The following SSR2 variants were observed in gnomAD, a reference collection of about 807,000 sequenced individuals.
SSR2 encodes the protein signal sequence receptor subunit 2, also known as translocon-associated protein subunit beta.
SSR2 carries 16 observed loss-of-function variants against 22.6 expected under a neutral mutation model. That is an observed-to-expected ratio of 0.71 (90% CI 0.48 to 1.08). The LOEUF is 1.08. Among genes scored for constraint, SSR2 ranks in the 50% least tolerant of loss-of-function variants. The probability of loss-of-function intolerance (pLI) is 0.00; values close to 1 mark genes in which losing one functional copy is unlikely to be tolerated. For synonymous variants in SSR2, 83 were observed against 91.2 expected (o/e 0.91, Z 0.51); for missense variants, 171 against 221.6 (o/e 0.77, Z 1.45).
At position 156,009,341 on chromosome 1, in the gene SSR2, G is replaced by T. The variant is rs767971367; in HGVS notation, c.*199C>A. 5 of 540,114 alleles carry T rather than the reference G, an allele frequency of 9.3e-6. No individual in the cohort carries two copies. Among genetic ancestry groups the T allele is most frequent in the South Asian group, 5.1e-5 (2 of 39,350 alleles). 33.5% of individuals were successfully genotyped at this position (540,114 alleles called of 1,614,324 possible). ...GCATTCCTGTTTATGGCTTCACGAT[G>T]GAACCAAGGAGGCTCTCGCAGACTC... is the stretch of plus-strand genomic sequence containing the variant. On this transcript the variant is annotated 3_prime_UTR_variant, in exon 6 of 6. Coordinates refer to ENST00000295702, the MANE Select transcript of SSR2 (RefSeq NM_003145.4).
chr1:156,010,203 A>G (rs1682960885), intron 5 of SSR2: 1 of 150,428 alleles, frequency 6.6e-6, no homozygotes, highest in Non-Finnish European at 1.5e-5. Context: ...ACAGGGGCGT[A>G]CCACCACACC....
intron 2 of SSR2, among the ~76,000 whole-genome samples, 158 bp downstream of exon 2, chr1:156,019,855 C>T (rs1223617952): frequency 6.6e-6 from 1 of 152,196 alleles, no homozygotes; most frequent in African/African-American, 2.4e-5. Context: ...GTCCTCCTTT[C>T]CAAAAGTAGA....
At chr1:156,018,060 C>T (rs912313009) in intron 3 of SSR2, 1 of 452,420 alleles carries the variant, frequency 2.2e-6, no homozygotes, top group South Asian at 2.5e-5. Context: ...GTTTCAGGGT[C>T]TTATAATCTG....
chr1:156,016,744 C>A (rs1029525178), intron 3 of SSR2, among the ~76,000 whole-genome samples: 1 of 152,116 alleles, frequency 6.6e-6, no homozygotes, highest in Non-Finnish European at 1.5e-5. Context: ...GAGGAGGGGC[C>A]TGGTGGGAGG....
chr1:156,015,044 CCA>C lies in SSR2; in HGVS notation c.278_279del (p.Val93GlyfsTer47), dbSNP rs867462990. On this transcript the variant is annotated frameshift_variant, in exon 4 of 6. Transcript: ENST00000295702. LOFTEE classifies it high-confidence loss of function. ...TAACCAGCCTTGAGAGGGCGCAGGA[CCA>C]CAGTGTGGGAGACATTGCTAGCACT... is the stretch of plus-strand genomic sequence containing the variant. ...IAPASNVSHT[V>X]VLRPLKAGYF... 3 of 1,613,742 alleles carry C rather than the reference CCA, an allele frequency of 1.9e-6. No homozygotes were observed. The African/African-American group carries it at 4.0e-5, about 22-fold the overall frequency.
At chr1:156,014,242 C>T (rs1683020400) in intron 4 of SSR2, 1 of 152,192 alleles carries the variant, frequency 6.6e-6, no homozygotes, top group Non-Finnish European at 1.5e-5. Flanking sequence ...CCACCTCAGC[C>T]TCCTGAGTAC....
At chr1:156,010,197 G>A (rs1682960553) in intron 5 of SSR2, 1 of 152,098 alleles carries the variant, frequency 6.6e-6, no homozygotes, top group East Asian at 1.9e-4. Context: ...AGGATCACAG[G>A]GGCGTACCAC....
chr1:156,019,448 A>G (rs1399001826), intron 2 of SSR2, among the ~76,000 whole-genome samples: 1 of 152,064 alleles, frequency 6.6e-6, no homozygotes, highest in Admixed American at 6.6e-5. Flanking sequence ...CAGTGGCGCA[A>G]TCTCCGGCTC....
intron 4 of SSR2, chr1:156,014,298 T>C (rs1399453623): frequency 2.6e-5 from 4 of 152,060 alleles, no homozygotes; most frequent in Non-Finnish European, 5.9e-5. Flanking sequence ...TTATTTGAAA[T>C]GGGGGTCTCA....
chr1:156,011,392 A>ATTCACTGAAT (rs1196629579), intron 5 of SSR2: 2 of 157,136 alleles, frequency 1.3e-5, no homozygotes, highest in African/African-American at 4.8e-5. Context: ...CATCATACTT[A>ATTCACTGAAT]TTCACTGAAT....
At chr1:156,014,740 G>A in intron 4 of SSR2, 1 of 387,030 alleles carries the variant, frequency 2.6e-6, no homozygotes, top group Non-Finnish European at 4.9e-6. Flanking sequence ...TGGGGCTTCT[G>A]CATGTTGGCC....
chr1:156,013,272 A>T (rs1424723911), intron 4 of SSR2: 1 of 151,410 alleles, frequency 6.6e-6, no homozygotes, highest in Non-Finnish European at 1.5e-5. Flanking sequence ...CTAAAAATAT[A>T]AAAAAGTAGC....
chr1:156,015,120 C>A (rs1441356774), intron 3 of SSR2, 51 bp from the exon 4 acceptor site: 1 of 1,424,590 alleles, frequency 7.0e-7, no homozygotes, highest in Admixed American at 1.8e-5. Flanking sequence ...GTTGTAGCAG[C>A]CTTTCAACCT....
chr1:156,011,531 TA>T (rs1205731775), intron 5 of SSR2: 2 of 195,962 alleles, frequency 1.0e-5, no homozygotes, highest in Non-Finnish European at 2.0e-5. Flanking sequence ...TTTTTTTTTT[TA>T]AACCTCAAAA....
intron 1 of SSR2, 143 bp downstream of exon 1, chr1:156,020,745 G>A: frequency 2.6e-6 from 1 of 377,500 alleles, no homozygotes; most frequent in Non-Finnish European, 5.6e-6. Flanking sequence ...CCCGCCTCCC[G>A]CCTCTTGCAA....
chr1:156,011,703 G>T, intron 5 of SSR2, 107 bp downstream of exon 5: 1 of 887,688 alleles, frequency 1.1e-6, no homozygotes, highest in Non-Finnish European at 1.8e-6. Flanking sequence ...AAACACACAG[G>T]GCAAGAACCA....
chr1:156,020,413 G>C (rs948798611), intron 1 of SSR2: 2 of 432,322 alleles, frequency 4.6e-6, no homozygotes, highest in South Asian at 2.3e-5. Context: ...CAGAAGCCCC[G>C]GGATGCCCAC....
At chr1:156,016,020 G>A (rs1219496685) in intron 3 of SSR2, among the ~76,000 whole-genome samples, 1 of 151,548 alleles carries the variant, frequency 6.6e-6, no homozygotes, top group East Asian at 2.0e-4. Flanking sequence ...GCATGGTGGC[G>A]AGTGCCTGTA....
intron 3 of SSR2, among the ~76,000 whole-genome samples, chr1:156,015,952 A>G (rs1341755315): frequency 6.6e-6 from 1 of 151,900 alleles, no homozygotes; most frequent in Non-Finnish European, 1.5e-5. Context: ...GAAGTTCGAG[A>G]CCAGCCTGGC....
Sources: allele counts gnomAD v4.1 joint callset (sites outside exome capture counted in the v4.1 genomes callset), GRCh38; gene constraint gnomAD v4.1.1; transcripts MANE v1.5; gene names NCBI Gene and HGNC (gene_info 2026-07-23, HGNC 2026-07-21).